The following OR9Q1 variants were observed in gnomAD, a reference collection of about 807,000 sequenced individuals.
OR9Q1 encodes olfactory receptor family 9 subfamily Q member 1.
For synonymous variants in OR9Q1, 153 were observed against 148.6 expected (o/e 1.03, Z -0.22); for missense variants, 374 against 378.8 (o/e 0.99, Z 0.11).
At chr11:58,085,777 G>A (rs1853628366) in intron 2 of OR9Q1, among the ~76,000 whole-genome samples, 1 of 151,742 alleles carries the variant, frequency 6.6e-6, no homozygotes, top group African/African-American at 2.4e-5. Flanking sequence ...TTTTAAAAAT[G>A]TCATTGACAT....
Position 58,180,642 on chromosome 11 carries a change from C to A in OR9Q1, c.*265C>A. 1 of 323,048 alleles carries A rather than the reference C, an allele frequency of 3.1e-6. No individual in the cohort carries two copies. Among genetic ancestry groups the A allele is most frequent in the Non-Finnish European group, 5.9e-6 (1 of 168,108 alleles). 20.0% of individuals were successfully genotyped at this position (323,048 alleles called of 1,614,324 possible). Reference sequence around the variant, plus strand: ...GCCTGTGCAATCCAAATATGGCACACTTCACCTGTCTGTGATTATAAGAGT... The same window carrying A: ...GCCTGTGCAATCCAAATATGGCACAATTCACCTGTCTGTGATTATAAGAGT... On this transcript the variant is annotated 3_prime_UTR_variant, in exon 3 of 3. Coordinates refer to ENST00000335397, the MANE Select transcript of OR9Q1 (RefSeq NM_001005212.4).
chr11:58,044,640 A>G (rs1853198492), intron 1 of OR9Q1: 1 of 151,146 alleles, frequency 6.6e-6, no homozygotes, highest in Non-Finnish European at 1.5e-5. Context: ...ACTCTCTTTC[A>G]TTTTCCTCTT....
At chr11:58,055,499 T>C (rs564737150) in intron 1 of OR9Q1, among the ~76,000 whole-genome samples, 2 of 152,220 alleles carry the variant, frequency 1.3e-5, no homozygotes, top group Admixed American at 1.3e-4. Flanking sequence ...ATTAGTTCTT[T>C]GTAAAAGGGC....
At chr11:58,155,267 A>G (rs1222597530) in intron 2 of OR9Q1, among the ~76,000 whole-genome samples, 1 of 152,208 alleles carries the variant, frequency 6.6e-6, no homozygotes, top group Non-Finnish European at 1.5e-5. Context: ...GACCCACATT[A>G]TAAAGAGTAC....
intron 1 of OR9Q1, chr11:58,031,290 C>T (rs756281064): frequency 6.2e-7 from 1 of 1,614,096 alleles, no homozygotes; most frequent in South Asian, 1.1e-5. Flanking sequence ...TTTCTTGGGG[C>T]AACTGAGTGT....
In OR9Q1 at chr11:58,179,941, T is replaced by C; in HGVS notation, c.497T>C (p.Leu166Pro). ...ALVRTVSAFTLSFCGTSEIDF... is the reference protein window; with the variant it reads ...ALVRTVSAFTPSFCGTSEIDF... Reference sequence around the variant, plus strand: ...GTGCGGACAGTCTCAGCCTTCACTCTCTCCTTCTGTGGAACCAGTGAGATT... The same window carrying C: ...GTGCGGACAGTCTCAGCCTTCACTCCCTCCTTCTGTGGAACCAGTGAGATT... Residue 166 changes from leucine (L) to proline (P), a missense_variant, in exon 3 of 3, where the codon CTC becomes CCC. Transcript: ENST00000335397. The C allele has an allele frequency of 6.2e-7, 1 of 1,614,140 alleles. No homozygotes were observed. The highest frequency in any genetic ancestry group is 8.5e-7 in the Non-Finnish European group (1 of 1,180,016).
At chr11:58,105,286 G>A (rs1168918254) in intron 2 of OR9Q1, among the ~76,000 whole-genome samples, 2 of 152,164 alleles carry the variant, frequency 1.3e-5, no homozygotes, top group South Asian at 2.1e-4. Context: ...ATGAAATGAC[G>A]ACAATGCTCT....
chr11:58,045,203 T>C (rs1853203972), intron 1 of OR9Q1: 1 of 152,144 alleles, frequency 6.6e-6, no homozygotes, highest in Middle Eastern at 3.2e-3. Flanking sequence ...GGATAAGGGA[T>C]ACTCAAGTTG....
intron 2 of OR9Q1, chr11:58,119,054 G>A (rs780446920): frequency 6.2e-7 from 1 of 1,614,012 alleles, no homozygotes; most frequent in Admixed American, 1.7e-5. Context: ...ACGGTATAGA[G>A]CAGTGGGTTG....
intron 2 of OR9Q1, chr11:58,144,763 G>A (rs1381697323): frequency 1.3e-5 from 2 of 152,262 alleles, no homozygotes; most frequent in Admixed American, 1.3e-4. Context: ...CATCACCTAT[G>A]AGCGCTGTGC....
intron 2 of OR9Q1, among the ~76,000 whole-genome samples, chr11:58,120,475 G>A (rs1053108346): frequency 1.3e-5 from 2 of 151,618 alleles, no homozygotes; most frequent in African/African-American, 4.8e-5. Context: ...TATTTTCATA[G>A]GTTTTTGGGG....
Position 58,128,458 on chromosome 11 carries a change from T to C in OR9Q1, c.-14-50973T>C, listed in dbSNP as rs111364277. Among the ~76,000 whole-genome samples the C allele has an allele frequency of 2.8e-4, 43 of 152,164 alleles. 1 individual carries two copies. Among genetic ancestry groups the C allele is most frequent in the African/African-American group, 8.7e-4 (36 of 41,536 alleles). ...TAATAAAGGTGGTATTTTGCATTAG[T>C]GGAGAAAGAAATATTTATGGAATCA... On this transcript the variant is annotated intron_variant, in intron 2 of 2. Coordinates refer to ENST00000335397, the MANE Select transcript of OR9Q1 (RefSeq NM_001005212.4).
intron 2 of OR9Q1, among the ~76,000 whole-genome samples, chr11:58,056,426 G>C (rs1428996548): frequency 1.3e-5 from 2 of 152,072 alleles, no homozygotes; most frequent in African/African-American, 4.8e-5. Flanking sequence ...AGTTAGTCTG[G>C]CACCTGTTTT....
At chr11:58,036,654 C>T (rs187688401) in intron 1 of OR9Q1, among the ~76,000 whole-genome samples, 1 of 152,238 alleles carries the variant, frequency 6.6e-6, no homozygotes, top group East Asian at 1.9e-4. Context: ...AAGTTGATTC[C>T]AACCCTTATG....
At chr11:58,053,150 G>A (rs867042289) in intron 1 of OR9Q1, among the ~76,000 whole-genome samples, 4,431 of 143,136 alleles carry the variant, frequency 0.031, no homozygotes, top group Non-Finnish European at 0.033. Flanking sequence ...ACATGCACAC[G>A]TATGCTATTG....
At chr11:58,064,008 T>C (rs986551806) in intron 2 of OR9Q1, among the ~76,000 whole-genome samples, 6 of 152,138 alleles carry the variant, frequency 3.9e-5, no homozygotes, top group South Asian at 2.1e-4. Context: ...AGCCCTCAGA[T>C]CATGGTTGGT....
At chr11:58,170,641 G>A (rs1252908092) in intron 2 of OR9Q1, among the ~76,000 whole-genome samples, 1 of 152,088 alleles carries the variant, frequency 6.6e-6, no homozygotes, top group African/African-American at 2.4e-5. Context: ...TCATGGGGGT[G>A]GTTCCCCCAT....
At chr11:58,109,272 C>G (rs749304851) in intron 2 of OR9Q1, 1 of 462,536 alleles carries the variant, frequency 2.2e-6, no homozygotes, top group Non-Finnish European at 4.4e-6. Flanking sequence ...TGTTACAGTG[C>G]AGTGGATTGC....
chr11:58,134,951 A>C (rs546002796), intron 2 of OR9Q1, among the ~76,000 whole-genome samples: 10 of 152,274 alleles, frequency 6.6e-5, no homozygotes, highest in African/African-American at 2.2e-4. Flanking sequence ...GTAATTTGTA[A>C]TTTTTTGGGA....
Sources: gnomAD v4.1 joint callset for allele counts (sites outside exome capture counted in the v4.1 genomes callset) on GRCh38, gnomAD v4.1.1 for gene constraint, MANE v1.5 for transcripts, NCBI Gene and HGNC (gene_info 2026-07-23, HGNC 2026-07-21) for gene names.